The following PASD1 variants were observed in gnomAD, a reference collection of about 807,000 sequenced individuals.
PASD1 encodes the protein PAS domain containing repressor 1.
Under a neutral mutation model 58.8 loss-of-function variants are expected in PASD1, and 13 were observed. The observed-to-expected ratio is 0.22, with a 90% confidence interval of 0.14 to 0.35. The LOEUF (loss-of-function observed/expected upper bound fraction) is 0.35. PASD1 is among the 10% of genes least tolerant of loss of function. PASD1 has a pLI of 1.00. For synonymous variants in PASD1, 236 were observed against 216.7 expected (o/e 1.09, Z -0.78); for missense variants, 734 against 568.3 (o/e 1.29, Z -2.96).
At chrX:151,655,991 T>G (rs1331492433) in intron 9 of PASD1, among the ~76,000 whole-genome samples, 1 of 112,406 alleles carries the variant, frequency 8.9e-6, no homozygotes, top group Non-Finnish European at 1.9e-5. Context: ...GTTTTAGGTC[T>G]AACGTTTAAG....
In PASD1 at chrX:151,648,669, CGCTGCT is replaced by C. The variant is rs750036801; in HGVS notation, c.703_708del (p.Ala235_Ala236del). The C allele has an allele frequency of 3.3e-6, 4 of 1,207,352 alleles. No individual in the cohort carries two copies. Among genetic ancestry groups the C allele is most frequent in the South Asian group, 1.8e-5 (1 of 56,600 alleles). ...GCATGAAAGCCGTGTACGTTGAACC[CGCTGCT>C]GCTGCTGCTGCTGCTGCTATCTCAG... is the stretch of plus-strand genomic sequence containing the variant. On this transcript the variant is annotated inframe_deletion, in exon 9 of 16. Coordinates refer to ENST00000370357, the MANE Select transcript of PASD1 (RefSeq NM_173493.3).
intron 8 of PASD1, among the ~76,000 whole-genome samples, chrX:151,627,737 G>A (rs2013809342): frequency 8.9e-6 from 1 of 111,740 alleles, no homozygotes; most frequent in Non-Finnish European, 1.9e-5. Flanking sequence ...GGATGGCTGG[G>A]TCAAATGGTA....
intron 1 of PASD1, among the ~76,000 whole-genome samples, chrX:151,584,507 G>T (rs2013141271): frequency 8.9e-6 from 1 of 111,872 alleles, no homozygotes; most frequent in South Asian, 3.7e-4. Context: ...GTAAAGTCCT[G>T]CAAGGATGTC....
At chrX:151,564,042 G>C (rs751377960) in intron 1 of PASD1, among the ~76,000 whole-genome samples, 116 of 112,607 alleles carry the variant, frequency 1.0e-3, no homozygotes, top group Non-Finnish European at 9.2e-4. Flanking sequence ...GCGGGTAGCT[G>C]GGGGTTACAC....
chrX:151,609,443 T>C (rs1335909387), intron 3 of PASD1, among the ~76,000 whole-genome samples: 1 of 111,791 alleles, frequency 8.9e-6, no homozygotes, highest in African/African-American at 3.2e-5. Context: ...TAACTGAAAC[T>C]CTGTACTCAA....
At chrX:151,595,673 C>T (rs2013313378) in intron 1 of PASD1, among the ~76,000 whole-genome samples, 1 of 110,227 alleles carries the variant, frequency 9.1e-6, no homozygotes, top group African/African-American at 3.3e-5. Flanking sequence ...TGCAGTGAGC[C>T]GAGATCGTGC....
At chrX:151,639,331 C>T (rs1485377417) in intron 8 of PASD1, among the ~76,000 whole-genome samples, 1 of 112,297 alleles carries the variant, frequency 8.9e-6, no homozygotes, top group Non-Finnish European at 1.9e-5. Flanking sequence ...AAACTAATCA[C>T]TCATTGTCTG....
intron 9 of PASD1, 71 bp downstream of exon 9, chrX:151,648,773 G>T: frequency 9.1e-7 from 1 of 1,103,716 alleles, no homozygotes; most frequent in Non-Finnish European, 1.2e-6. Context: ...TTTAGTTAAT[G>T]TGTGTTACCA....
chrX:151,581,227 C>CAAAAAAAAAAA lies in PASD1; in HGVS notation c.-28+17404_-28+17414dup, dbSNP rs55664238. On this transcript the variant is annotated intron_variant, in intron 1 of 15. Coordinates refer to ENST00000370357, the MANE Select transcript of PASD1 (RefSeq NM_173493.3). The stretch of plus-strand genomic sequence containing the variant: ...TAGGCAACAGAGTAAAGCTCTGTAT[C>CAAAAAAAAAAA]AAAAAAAAAAAAAAAAAAAAAAAAA... Among the ~76,000 whole-genome samples the CAAAAAAAAAAA allele has an allele frequency of 2.3e-3, 74 of 31,491 alleles. 4 individuals are homozygous for CAAAAAAAAAAA. Among genetic ancestry groups the CAAAAAAAAAAA allele is most frequent in the African/African-American group, 5.3e-3 (52 of 9,822 alleles). The allele number at this position is 31,491 out of a possible 115,157, so 27.3% of individuals were successfully genotyped here. A position where few individuals can be genotyped will look rare whatever the true frequency, so the allele number is the denominator to read the frequency against.
At position 151,656,031 on chromosome X, in the gene PASD1, A is replaced by C. The variant is rs1357594202; in HGVS notation, c.718-3682A>C. Among the ~76,000 whole-genome samples the C allele has an allele frequency of 4.5e-5, 5 of 112,061 alleles. No homozygotes were observed. The East Asian group carries it at 8.4e-4, about 19-fold the overall frequency. On this transcript the variant is annotated intron_variant, in intron 9 of 15. Transcript: ENST00000370357. ...TGATCCATCTTGAATTAATTTTTGTATAAGGTGTAAGGAAGGGATCCAGTT... is the reference window on the plus strand; with the variant it reads ...TGATCCATCTTGAATTAATTTTTGTCTAAGGTGTAAGGAAGGGATCCAGTT...
At chrX:151,563,931 G>A (rs1602893148) in intron 1 of PASD1, 92 bp downstream of exon 1, 1 of 112,579 alleles carries the variant, frequency 8.9e-6, no homozygotes, top group Admixed American at 9.3e-5. Context: ...GGTGGCTGAG[G>A]AGCCCAAGCT....
intron 1 of PASD1, among the ~76,000 whole-genome samples, chrX:151,571,873 C>T (rs930313920): frequency 8.9e-6 from 1 of 111,750 alleles, no homozygotes. Context: ...TCCTTCATAG[C>T]ATGTCTGGGA....
intron 1 of PASD1, among the ~76,000 whole-genome samples, chrX:151,595,610 G>A (rs5969807): frequency 0.52 from 55,313 of 107,058 alleles, 11,719 homozygotes; most frequent in East Asian, 0.95. Flanking sequence ...CTGTAGTCCC[G>A]GCTACTCGGG....
intron 12 of PASD1, 79 bp from the exon 13 acceptor site, chrX:151,671,494 C>G: frequency 9.1e-7 from 1 of 1,094,585 alleles, no homozygotes; most frequent in Non-Finnish European, 1.3e-6. Flanking sequence ...GGCAGTCCTG[C>G]TCCATGCCCA....
intron 1 of PASD1, among the ~76,000 whole-genome samples, chrX:151,595,513 T>C (rs763950507): frequency 9.2e-6 from 1 of 108,801 alleles, no homozygotes; most frequent in African/African-American, 3.4e-5. Flanking sequence ...GGTCAGGAGA[T>C]GGAGACCATC....
At chrX:151,597,789 G>A (rs1342008883) in intron 1 of PASD1, among the ~76,000 whole-genome samples, 1 of 111,777 alleles carries the variant, frequency 8.9e-6, no homozygotes, top group African/African-American at 3.3e-5. Flanking sequence ...GGAGTGCAGT[G>A]GTGCGATCTC....
intron 1 of PASD1, among the ~76,000 whole-genome samples, chrX:151,593,670 G>A (rs890554046): frequency 9.0e-6 from 1 of 111,345 alleles, no homozygotes; most frequent in African/African-American, 3.3e-5. Flanking sequence ...TTGGTTCCAA[G>A]TCACTACTAT....
chrX:151,657,536 A>C (rs1602959293), intron 9 of PASD1, among the ~76,000 whole-genome samples: 1 of 111,305 alleles, frequency 9.0e-6, no homozygotes, highest in East Asian at 2.8e-4. Flanking sequence ...TCAATTTCAG[A>C]GCCTGTTATT....
At position 151,614,360 on chromosome X, in the gene PASD1, C is replaced by A. The variant is rs761618899; in HGVS notation, c.207+2607C>A. ...CCCACCTCTTAATATAATACCATCA[C>A]ATTGACAGCTAGATTACTTCAATAT... is the stretch of plus-strand genomic sequence containing the variant. On this transcript the variant is annotated intron_variant, in intron 4 of 15. Coordinates refer to ENST00000370357, the MANE Select transcript of PASD1 (RefSeq NM_173493.3). Among the ~76,000 whole-genome samples, 8 of 111,459 alleles carry A rather than the reference C, an allele frequency of 7.2e-5. No individual in the cohort carries two copies. The East Asian group carries it at 1.4e-3, about 20-fold the overall frequency.
Sources: gnomAD v4.1 joint callset for allele counts (sites outside exome capture counted in the v4.1 genomes callset) on GRCh38, gnomAD v4.1.1 for gene constraint, MANE v1.5 for transcripts, NCBI Gene and HGNC (gene_info 2026-07-23, HGNC 2026-07-21) for gene names.